The following EDAR variants were observed in gnomAD, a reference collection of about 807,000 sequenced individuals.
The protein encoded by EDAR is ectodysplasin A receptor, also known as tumor necrosis factor receptor superfamily member EDAR.
In EDAR, 38 loss-of-function variants were observed where a neutral mutation model predicts 51.3. The observed-to-expected ratio is 0.74, with a 90% CI of 0.57 to 0.97. The LOEUF (loss-of-function observed/expected upper bound fraction) is 0.97. Ranked by LOEUF, EDAR falls within the 50% of genes least tolerant of loss-of-function variation. The pLI is 0.00. For synonymous variants in EDAR, 227 were observed against 242.1 expected (o/e 0.94, Z 0.58); for missense variants, 528 against 595.0 (o/e 0.89, Z 1.17).
At chr2:108,944,057 A>G (rs1452933174) in intron 1 of EDAR, among the ~76,000 whole-genome samples, 2 of 152,238 alleles carry the variant, frequency 1.3e-5, no homozygotes, top group Non-Finnish European at 2.9e-5. Flanking sequence ...GGCAATTGCT[A>G]TCCAGCCACG....
intron 1 of EDAR, among the ~76,000 whole-genome samples, chr2:108,983,586 ATCTG>A (rs1407493836): frequency 2.0e-5 from 3 of 152,128 alleles, no homozygotes; most frequent in African/African-American, 7.2e-5. Context: ...CTCGTGATCC[ATCTG>A]TCTGCCTTGA....
At chr2:108,971,787 A>G (rs964902741) in intron 1 of EDAR, among the ~76,000 whole-genome samples, 6 of 152,194 alleles carry the variant, frequency 3.9e-5, no homozygotes, top group Non-Finnish European at 8.8e-5. Context: ...CAAAAGGTGG[A>G]GCCTAATTCC....
rs543145174 is a variant in EDAR, at chr2:108,972,075, G to A, written c.-19+16885C>T. Reference sequence around the variant, plus strand: ...CGCAGATGTTGCAGCCCAGCCGACTGCAGCCTCAGGAAGGACACTGAGCCA... The same window carrying A: ...CGCAGATGTTGCAGCCCAGCCGACTACAGCCTCAGGAAGGACACTGAGCCA... On this transcript the variant is annotated intron_variant, in intron 1 of 11. Transcript: ENST00000258443. 3.3e-5 allele frequency among the ~76,000 whole-genome samples: 5 copies of A among 152,338 alleles called. No individual in the cohort carries two copies. In the East Asian group the frequency reaches 7.7e-4, roughly 24 times the overall value.
At chr2:108,944,477 CATGGA>C (rs1248693588) in intron 1 of EDAR, among the ~76,000 whole-genome samples, 25 of 152,338 alleles carry the variant, frequency 1.6e-4, no homozygotes, top group Non-Finnish European at 1.0e-4. Context: ...CAACAATGGC[CATGGA>C]GCCAATGCTG....
At chr2:108,979,272 C>G (rs770842062) in intron 1 of EDAR, among the ~76,000 whole-genome samples, 33 of 152,178 alleles carry the variant, frequency 2.2e-4, no homozygotes, top group Admixed American at 5.2e-4. Flanking sequence ...AAGGTGTCAT[C>G]TGGTTGGAGA....
At chr2:108,904,499 A>G (rs1696765709) in intron 11 of EDAR, among the ~76,000 whole-genome samples, 1 of 152,364 alleles carries the variant, frequency 6.6e-6, no homozygotes, top group South Asian at 2.1e-4. Context: ...TGTCCACACA[A>G]AAACCTATAC....
At chr2:108,919,649 C>T (rs760935861) in intron 5 of EDAR, among the ~76,000 whole-genome samples, 3 of 152,184 alleles carry the variant, frequency 2.0e-5, no homozygotes, top group Non-Finnish European at 2.9e-5. Flanking sequence ...TGAGCCACTG[C>T]GCCTGGCCCT....
intron 4 of EDAR, among the ~76,000 whole-genome samples, chr2:108,927,135 T>C (rs1311828857): frequency 1.3e-5 from 2 of 152,154 alleles, no homozygotes; most frequent in South Asian, 4.1e-4. Flanking sequence ...ACTGTCCCCA[T>C]CGTCTGCACC....
At chr2:108,917,119 CAG>C (rs1187084697) in intron 5 of EDAR, among the ~76,000 whole-genome samples, 2 of 152,306 alleles carry the variant, frequency 1.3e-5, no homozygotes, top group African/African-American at 4.8e-5. Context: ...CCAGAATTTT[CAG>C]AGTCACAGCT....
intron 11 of EDAR, among the ~76,000 whole-genome samples, chr2:108,903,918 A>G (rs185697201): frequency 2.0e-4 from 31 of 152,302 alleles, no homozygotes; most frequent in Admixed American, 1.9e-3. Context: ...ACACAAAAGC[A>G]TCATCCATAA....
chr2:108,908,036 G>T lies in EDAR; in HGVS notation c.804-17C>A. 6.2e-7 allele frequency: 1 copy of T among 1,603,208 alleles called. No homozygotes were observed. Among genetic ancestry groups the T allele is most frequent in the Middle Eastern group, 1.7e-4 (1 of 6,036 alleles). The stretch of plus-strand genomic sequence containing the variant: ...TCGTTCTCGCTGCAAAAACAAGAGC[G>T]ATGGTCATTAGCAGTGCCTGGGGGG... On this transcript the variant is annotated splice_polypyrimidine_tract_variant and intron_variant, in intron 9 of 11. Transcript: ENST00000258443.
intron 5 of EDAR, among the ~76,000 whole-genome samples, chr2:108,916,969 C>T (rs1454712430): frequency 6.6e-6 from 1 of 152,188 alleles, no homozygotes; most frequent in Non-Finnish European, 1.5e-5. Context: ...GCCACCCAGG[C>T]CACCAAAGGG....
intron 5 of EDAR, among the ~76,000 whole-genome samples, chr2:108,913,211 A>T (rs935514872): frequency 6.6e-6 from 1 of 152,082 alleles, no homozygotes; most frequent in Non-Finnish European, 1.5e-5. Context: ...GGCCTCCCAA[A>T]GTGCTGGGAT....
intron 1 of EDAR, among the ~76,000 whole-genome samples, chr2:108,982,740 T>C (rs1346517489): frequency 2.0e-5 from 3 of 152,208 alleles, no homozygotes; most frequent in East Asian, 1.9e-4. Context: ...GTTTTTAGAA[T>C]TGACTCAAAA....
chr2:108,923,344 T>C, intron 5 of EDAR, 24 bp downstream of exon 5: 1 of 1,609,518 alleles, frequency 6.2e-7, no homozygotes, highest in Non-Finnish European at 8.5e-7. Context: ...AATACCGTGC[T>C]GGTGGAAGGA....
At chr2:108,961,306 C>A (rs1698035815) in intron 1 of EDAR, among the ~76,000 whole-genome samples, 2 of 151,968 alleles carry the variant, frequency 1.3e-5, no homozygotes, top group Non-Finnish European at 2.9e-5. Flanking sequence ...AGACACACTG[C>A]AGCCTGGAGG....
At chr2:108,977,295 G>C (rs1413536550) in intron 1 of EDAR, among the ~76,000 whole-genome samples, 1 of 152,078 alleles carries the variant, frequency 6.6e-6, no homozygotes, top group African/African-American at 2.4e-5. Context: ...TTGAGATGGA[G>C]TCTCGCTCTG....
rs139905358 is a variant in EDAR at position 108,923,287 on chromosome 2, C to T, written c.442+81G>A. On this transcript the variant is annotated intron_variant, in intron 5 of 11. Coordinates refer to ENST00000258443, the MANE Select transcript of EDAR (RefSeq NM_022336.4). The stretch of plus-strand genomic sequence containing the variant: ...ATTCACCTTGTCCAGGTGCCAGGAC[C>T]GGCTCTTTCCTACACCCTCTGTAGT... 2.1e-3 allele frequency: 2,902 copies of T among 1,364,364 alleles called. 3 individuals carry two copies. The highest frequency in any genetic ancestry group is 2.5e-3 in the Non-Finnish European group (2,393 of 952,690). The allele number at this position is 1,364,364 out of a possible 1,614,324, so 84.5% of individuals were successfully genotyped here.
chr2:108,949,184 G>A (rs1697774621), intron 1 of EDAR, among the ~76,000 whole-genome samples: 1 of 152,062 alleles, frequency 6.6e-6, no homozygotes, highest in African/African-American at 2.4e-5. Context: ...ATTTCCCCAT[G>A]TTGCCGACAC....
Sources: gnomAD v4.1 joint callset for allele counts (sites outside exome capture counted in the v4.1 genomes callset) on GRCh38, gnomAD v4.1.1 for gene constraint, MANE v1.5 for transcripts, NCBI Gene and HGNC (gene_info 2026-07-23, HGNC 2026-07-21) for gene names.